Variants in SUPT3H observed in about 807,000 individuals in gnomAD.
SUPT3H encodes transcription initiation protein SPT3 homolog.
Under a neutral mutation model 44.3 loss-of-function variants are expected in SUPT3H, and 44 were observed. The ratio of observed to expected loss-of-function variants is 0.99; its 90% CI spans 0.78 to 1.28. SUPT3H has a LOEUF of 1.28. Ranked by LOEUF, SUPT3H falls within the 50% of genes most tolerant of loss-of-function variation. The pLI, the probability that SUPT3H is intolerant of heterozygous loss-of-function variation, is 0.00. For missense variants in SUPT3H, 380 were observed against 387.1 expected, an observed-to-expected ratio of 0.98 and a Z score of 0.15; for synonymous variants, 124 against 125.6, an observed-to-expected ratio of 0.99 and a Z score of 0.09.
At chr6:44,849,305 C>A (rs1242454632) in intron 10 of SUPT3H, among the ~76,000 whole-genome samples, 1 of 143,384 alleles carries the variant, frequency 7.0e-6, no homozygotes, top group Non-Finnish European at 1.5e-5. Context: ...CGGCTCACTG[C>A]AAGCTCCGCC....
At chr6:45,301,924 C>T (rs1421419600) in intron 2 of SUPT3H, among the ~76,000 whole-genome samples, 3 of 152,110 alleles carry the variant, frequency 2.0e-5, no homozygotes, top group Non-Finnish European at 4.4e-5. Flanking sequence ...TAGCCTCCCA[C>T]ACTAAACTTT....
chr6:45,020,710 A>G, intron 3 of SUPT3H, 78 bp from the exon 4 acceptor site: 1 of 969,196 alleles, frequency 1.0e-6, no homozygotes, highest in African/African-American at 1.7e-5. Context: ...CTCTAAAGAG[A>G]TAAATATACT....
intron 6 of SUPT3H, among the ~76,000 whole-genome samples, chr6:44,983,945 T>A (rs1445706479): frequency 1.3e-5 from 2 of 152,170 alleles, no homozygotes; most frequent in Non-Finnish European, 2.9e-5. Flanking sequence ...TAAAGAAAAT[T>A]TAGATGACAA....
intron 3 of SUPT3H, among the ~76,000 whole-genome samples, chr6:45,049,170 C>T (rs897071686): frequency 4.6e-5 from 7 of 151,958 alleles, no homozygotes; most frequent in African/African-American, 1.5e-4. Flanking sequence ...TCAATTAAAA[C>T]AATTTTTTAA....
rs199898844 is a variant in SUPT3H at position 45,354,702 on chromosome 6, G to GA, written c.101+10498dup. 4.9e-4 allele frequency among the ~76,000 whole-genome samples: 74 copies of GA among 150,940 alleles called. No individual in the cohort carries two copies. In the East Asian group the frequency reaches 0.014, roughly 28 times the overall value. ...AGATCTCTAGACACATTTAAAAAAA[G>GA]AAAAAAAAAGTTTTAGGCCAGGTGT... On this transcript the variant is annotated intron_variant, in intron 2 of 10. Transcript: ENST00000371459.
chr6:44,821,777 C>G (rs1036504097), downstream of SUPT3H, among the ~76,000 whole-genome samples: 1 of 152,138 alleles, frequency 6.6e-6, no homozygotes, highest in Non-Finnish European at 1.5e-5. Flanking sequence ...CTCAAATCCA[C>G]GTTAAAGCTG....
intron 11 of SUPT3H, among the ~76,000 whole-genome samples, chr6:44,810,674 G>A (rs2153402224): frequency 6.6e-6 from 1 of 151,810 alleles, no homozygotes; most frequent in South Asian, 2.1e-4. Context: ...TTGGGAGGCT[G>A]AGGCAGGTGG....
At chr6:45,353,524 G>C (rs563218143) in intron 2 of SUPT3H, among the ~76,000 whole-genome samples, 227 of 151,954 alleles carry the variant, frequency 1.5e-3, no homozygotes, top group African/African-American at 5.2e-3. Flanking sequence ...ATTCTGAGGA[G>C]AAATAAAGGC....
chr6:45,062,873 G>C (rs932330420), intron 3 of SUPT3H, among the ~76,000 whole-genome samples: 34 of 152,112 alleles, frequency 2.2e-4, no homozygotes, highest in Admixed American at 8.5e-4. Flanking sequence ...AGGCGGCAGC[G>C]AGGCTGGGGG....
chr6:45,300,803 T>A (rs1160330357), intron 2 of SUPT3H, among the ~76,000 whole-genome samples: 2 of 140,008 alleles, frequency 1.4e-5, no homozygotes, highest in African/African-American at 5.5e-5. Flanking sequence ...AAAGTGGGGG[T>A]GGGTGTTAGG....
intron 10 of SUPT3H, among the ~76,000 whole-genome samples, chr6:44,915,608 G>C (rs1767691752): frequency 6.6e-6 from 1 of 152,128 alleles, no homozygotes. Flanking sequence ...AGTCTGATAA[G>C]AAACATTTAC....
chr6:45,053,037 G>A (rs1046760047), intron 3 of SUPT3H, among the ~76,000 whole-genome samples: 14 of 151,964 alleles, frequency 9.2e-5, no homozygotes, highest in African/African-American at 2.9e-4. Flanking sequence ...TCTTGTTTTT[G>A]GTGGTTTTGT....
chr6:45,007,953 G>T (rs1326173529), intron 5 of SUPT3H, among the ~76,000 whole-genome samples: 1 of 151,746 alleles, frequency 6.6e-6, no homozygotes, highest in African/African-American at 2.4e-5. Context: ...TTTGTGATTG[G>T]TTTCTTTCAT....
At chr6:45,341,971 A>G (rs1285908627) in intron 2 of SUPT3H, among the ~76,000 whole-genome samples, 1 of 152,074 alleles carries the variant, frequency 6.6e-6, no homozygotes, top group Non-Finnish European at 1.5e-5. Flanking sequence ...CACAAATAAC[A>G]TGGTGATTTA....
chr6:44,901,083 C>T (rs1345115388), intron 10 of SUPT3H, among the ~76,000 whole-genome samples: 1 of 152,096 alleles, frequency 6.6e-6, no homozygotes, highest in Admixed American at 6.5e-5. Context: ...AAAAACAGAG[C>T]AGAAAAACTG....
At chr6:44,899,621 A>C (rs1449621773) in intron 10 of SUPT3H, among the ~76,000 whole-genome samples, 1 of 152,188 alleles carries the variant, frequency 6.6e-6, no homozygotes, top group Non-Finnish European at 1.5e-5. Flanking sequence ...CGGGAGATGG[A>C]GGATGCAGTG....
intron 3 of SUPT3H, chr6:45,098,933 G>A: frequency 1.0e-5 from 5 of 502,138 alleles, no homozygotes; most frequent in Admixed American, 4.2e-5. Context: ...CAAGCATCCA[G>A]AGGAAAAGAA....
At position 44,856,744 on chromosome 6, in the gene SUPT3H, A is replaced by G. The variant is rs192443378; in HGVS notation, c.913-26887T>C. 1.0e-3 allele frequency among the ~76,000 whole-genome samples: 153 copies of G among 152,320 alleles called. 2 individuals are homozygous for G. Among genetic ancestry groups the G allele is most frequent in the Admixed American group, 3.1e-3 (47 of 15,294 alleles). On this transcript the variant is annotated intron_variant, in intron 10 of 10. Coordinates refer to ENST00000371459, the MANE Select transcript of SUPT3H (RefSeq NM_003599.4). Reference sequence around the variant, plus strand: ...TGTAAATTAAACAAACGCCTTATAAATTAAACATGGTAACACATGAACACA... The same window carrying G: ...TGTAAATTAAACAAACGCCTTATAAGTTAAACATGGTAACACATGAACACA...
At chr6:45,267,157 C>G (rs1775392683) in intron 2 of SUPT3H, among the ~76,000 whole-genome samples, 1 of 152,006 alleles carries the variant, frequency 6.6e-6, no homozygotes, top group South Asian at 2.1e-4. Flanking sequence ...CTTCTGGTCC[C>G]AAGTATTTTG....
Sources: allele counts gnomAD v4.1 joint callset (sites outside exome capture counted in the v4.1 genomes callset), GRCh38; gene constraint gnomAD v4.1.1; transcripts MANE v1.5; gene names NCBI Gene and HGNC (gene_info 2026-07-23, HGNC 2026-07-21).